The following RNF111 variants were observed in gnomAD, a reference collection of about 807,000 sequenced individuals.
RNF111 encodes the protein ring finger protein 111, also known as E3 ubiquitin-protein ligase Arkadia.
A neutral mutation model predicts 95.1 loss-of-function variants in RNF111; 17 were observed. The observed-to-expected ratio is 0.18, with a 90% CI of 0.12 to 0.27. The LOEUF is 0.27. Ranked by LOEUF, RNF111 falls within the 10% of genes least tolerant of loss-of-function variation. The pLI, the probability that RNF111 is intolerant of heterozygous loss-of-function variation, is 1.00. For missense variants in RNF111, 1,189 were observed against 1,210.4 expected, an observed-to-expected ratio of 0.98 and a Z score of 0.26; for synonymous variants, 440 against 414.8, an observed-to-expected ratio of 1.06 and a Z score of -0.74.
chr15:59,067,044 T>C lies in RNF111; in HGVS notation c.1647T>C (p.Cys549=). ...VERPPQVQAP[C]GANSSSGTSY... is the part of the protein sequence containing the mutation. ...GACCTCCACAAGTACAAGCACCTTG[T>C]GGAGCAAATAGTAGTTCTGGTACCA... is the stretch of plus-strand genomic sequence containing the variant. The change falls in exon 6 of 14, where the codon TGT becomes TGC. Residue 549 remains cysteine, a synonymous_variant. Coordinates refer to ENST00000348370, the MANE Select transcript of RNF111 (RefSeq NM_017610.8). 1 of 1,614,138 alleles carries C rather than the reference T, an allele frequency of 6.2e-7. No homozygotes were observed. The highest frequency in any genetic ancestry group is 1.6e-4 in the Middle Eastern group (1 of 6,062).
At position 59,094,198 on chromosome 15, in the gene RNF111, C is replaced by A. The variant is rs144739027; in HGVS notation, c.2844-585C>A. ...ATATTAAGTGTATATAACAATTATT[C>A]CGTGAAAAAAGTATTACTCACCTTT... On this transcript the variant is annotated intron_variant, in intron 13 of 13. Coordinates refer to ENST00000348370, the MANE Select transcript of RNF111 (RefSeq NM_017610.8). 4.0e-3 allele frequency among the ~76,000 whole-genome samples: 605 copies of A among 152,086 alleles called. 29 individuals carry two copies. In the East Asian group the frequency reaches 0.11, roughly 27 times the overall value.
intron 1 of RNF111, among the ~76,000 whole-genome samples, chr15:58,994,387 A>T (rs1272923790): frequency 6.6e-6 from 1 of 152,054 alleles, no homozygotes; most frequent in Non-Finnish European, 1.5e-5. Flanking sequence ...AAAGATTTAA[A>T]AAATAGTACT....
chr15:59,045,332 A>T (rs2041657230), intron 2 of RNF111, among the ~76,000 whole-genome samples: 1 of 152,020 alleles, frequency 6.6e-6, no homozygotes, highest in African/African-American at 2.4e-5. Context: ...CTGGGACTAC[A>T]GGCACCTGCC....
At chr15:59,059,226 G>A (rs1275993487) in intron 5 of RNF111, among the ~76,000 whole-genome samples, 1 of 152,182 alleles carries the variant, frequency 6.6e-6, no homozygotes, top group African/African-American at 2.4e-5. Flanking sequence ...TTCTGAAGAA[G>A]TTATGCAAAT....
intron 1 of RNF111, among the ~76,000 whole-genome samples, chr15:59,000,228 A>C (rs1419259407): frequency 1.4e-5 from 2 of 138,902 alleles, no homozygotes; most frequent in Non-Finnish European, 3.0e-5. Flanking sequence ...CAGTGGTGAG[A>C]TCTTAGTTCA....
chr15:59,064,458 C>T (rs2042569881), intron 5 of RNF111, among the ~76,000 whole-genome samples: 1 of 149,068 alleles, frequency 6.7e-6, no homozygotes, highest in Non-Finnish European at 1.5e-5. Context: ...ATGGCGTGAA[C>T]CCGGGAGGCA....
chr15:59,067,182 C>G, intron 6 of RNF111, 99 bp downstream of exon 6: 1 of 1,018,722 alleles, frequency 9.8e-7, no homozygotes, highest in South Asian at 1.6e-5. Context: ...TCATTCCTGT[C>G]TCTCTCCCTC....
intron 7 of RNF111, among the ~76,000 whole-genome samples, chr15:59,078,283 G>GCTT (rs1338576899): frequency 6.6e-6 from 1 of 152,140 alleles, no homozygotes; most frequent in Non-Finnish European, 1.5e-5. Flanking sequence ...GTCTCTCTCT[G>GCTT]CTTTTGAAAG....
rs1397601866 is a variant in RNF111 at position 59,055,698 on chromosome 15, G to A, written c.1024G>A (p.Gly342Arg). ...GESYRSRSTL[G>R]HSRSHWSQGS... ...TCATTTAAGGTCTCGTTCAACCCTT[G>A]GACACTCCAGATCTCATTGGAGCCA... is the stretch of plus-strand genomic sequence containing the variant. Residue 342 changes from glycine to arginine, a missense_variant, in exon 4 of 14, where the codon GGA (glycine) becomes AGA (arginine). This residue lies in a region of RNF111 where 1,024 missense variants were observed against 925.9 expected (regional missense o/e 1.11). Coordinates refer to ENST00000348370, the MANE Select transcript of RNF111 (RefSeq NM_017610.8). The A allele has an allele frequency of 1.2e-6, 2 of 1,612,704 alleles. No homozygotes were observed. Among genetic ancestry groups the A allele is most frequent in the Admixed American group, 3.3e-5 (2 of 59,894 alleles).
intron 6 of RNF111, among the ~76,000 whole-genome samples, chr15:59,073,262 G>A (rs1274821731): frequency 6.6e-6 from 1 of 152,092 alleles, no homozygotes; most frequent in African/African-American, 2.4e-5. Flanking sequence ...ATCACTTGCG[G>A]TCAGCAGTTC....
intron 6 of RNF111, among the ~76,000 whole-genome samples, chr15:59,069,404 T>C (rs2042810654): frequency 6.6e-6 from 1 of 152,200 alleles, no homozygotes. Flanking sequence ...CTACATTCAT[T>C]AAAGAGCTGC....
chr15:59,003,204 C>G (rs147481319), intron 1 of RNF111, among the ~76,000 whole-genome samples: 1 of 152,332 alleles, frequency 6.6e-6, no homozygotes, highest in East Asian at 1.9e-4. Context: ...CAACCTCTGC[C>G]TCCTGGGCTC....
At chr15:59,021,684 A>G (rs1157287479) in intron 1 of RNF111, among the ~76,000 whole-genome samples, 6 of 152,220 alleles carry the variant, frequency 3.9e-5, no homozygotes, top group African/African-American at 7.2e-5. Context: ...ACTATGGCCA[A>G]GATTACATAG....
At chr15:58,991,886 G>A (rs1437158681) in intron 1 of RNF111, among the ~76,000 whole-genome samples, 1 of 152,142 alleles carries the variant, frequency 6.6e-6, no homozygotes, top group Non-Finnish European at 1.5e-5. Flanking sequence ...AACATTGGGG[G>A]AAATCTGAAT....
intron 2 of RNF111, among the ~76,000 whole-genome samples, chr15:59,040,917 A>T (rs1362425804): frequency 6.6e-6 from 1 of 152,212 alleles, no homozygotes; most frequent in Non-Finnish European, 1.5e-5. Flanking sequence ...ACATTTACCT[A>T]GCTTCAGAGT....
At chr15:59,024,286 C>G (rs540038338) in intron 1 of RNF111, among the ~76,000 whole-genome samples, 1 of 152,036 alleles carries the variant, frequency 6.6e-6, no homozygotes, top group South Asian at 2.1e-4. Flanking sequence ...TACTTCCTTC[C>G]TTTTACTCAT....
chr15:59,012,743 C>CTT lies in RNF111; in HGVS notation c.-19-18049_-19-18048dup, dbSNP rs71119428. Reference sequence around the variant, plus strand: ...TCATGGTGGTTCCAACTCTTTTTTTCTTTTTTTTTTTTTGAGACAGAGTCT... The same window carrying CTT: ...TCATGGTGGTTCCAACTCTTTTTTTCTTTTTTTTTTTTTTTGAGACAGAGTCT... On this transcript the variant is annotated intron_variant, in intron 1 of 13. Transcript: ENST00000348370. 5.1e-3 allele frequency among the ~76,000 whole-genome samples: 733 copies of CTT among 142,850 alleles called. 12 individuals are homozygous for CTT. The highest frequency in any genetic ancestry group is 0.016 in the African/African-American group (630 of 38,912). 93.7% of individuals were successfully genotyped at this position (142,850 alleles called of 152,430 possible). A position where few individuals can be genotyped will look rare whatever the true frequency, so the allele number is the denominator to read the frequency against.
chr15:59,092,742 C>A, intron 13 of RNF111, 102 bp downstream of exon 13: 1 of 1,209,050 alleles, frequency 8.3e-7, no homozygotes, highest in Non-Finnish European at 1.1e-6. Context: ...ACGTGTAATT[C>A]CAGCACTTTT....
At chr15:59,033,798 C>CT (rs2041032394) in intron 2 of RNF111, among the ~76,000 whole-genome samples, 1 of 151,902 alleles carries the variant, frequency 6.6e-6, no homozygotes, top group African/African-American at 2.4e-5. Flanking sequence ...CATTGCCTTT[C>CT]TTGGCAGAAT....
Sources: allele counts gnomAD v4.1 joint callset (sites outside exome capture counted in the v4.1 genomes callset), GRCh38; gene constraint gnomAD v4.1.1; regional missense constraint gnomAD v4.1.1; transcripts MANE v1.5; gene names NCBI Gene and HGNC (gene_info 2026-07-23, HGNC 2026-07-21).